The following MGAT5 variants were observed in gnomAD, a reference collection of about 807,000 sequenced individuals.
The protein encoded by MGAT5 is alpha-1,6-mannosylglycoprotein 6-beta-N-acetylglucosaminyltransferase A.
MGAT5 carries 30 observed loss-of-function variants against 94.3 expected under a neutral mutation model. The observed-to-expected ratio is 0.32, with a 90% CI of 0.24 to 0.43. The LOEUF (loss-of-function observed/expected upper bound fraction) is 0.43, where lower values mean the gene tolerates loss of function less well. Ranked by LOEUF, MGAT5 falls within the 20% of genes least tolerant of loss-of-function variation. The pLI is 1.00. For synonymous variants in MGAT5, 310 were observed against 322.9 expected, an observed-to-expected ratio of 0.96 and a Z score of 0.43; for missense variants, 691 against 905.5, an observed-to-expected ratio of 0.76 and a Z score of 3.04.
At chr2:134,439,516 G>A (rs190887136) in intron 14 of MGAT5, among the ~76,000 whole-genome samples, 125 of 152,232 alleles carry the variant, frequency 8.2e-4, no homozygotes, top group African/African-American at 2.9e-3. Context: ...GGCCAACATG[G>A]CAAAACCTCG....
intron 2 of MGAT5, among the ~76,000 whole-genome samples, chr2:134,301,601 G>A (rs1180145357): frequency 1.3e-5 from 2 of 152,266 alleles, no homozygotes; most frequent in Non-Finnish European, 2.9e-5. Context: ...CAAGAGAGGC[G>A]TGTGTCTATT....
chr2:134,188,457 T>A (rs1250899985), intron 1 of MGAT5, among the ~76,000 whole-genome samples: 1 of 152,276 alleles, frequency 6.6e-6, no homozygotes, highest in Non-Finnish European at 1.5e-5. Flanking sequence ...GTACCTATCC[T>A]ATGAGGTTGC....
intron 10 of MGAT5, among the ~76,000 whole-genome samples, chr2:134,396,985 AG>A (rs1682751129): frequency 6.6e-6 from 1 of 152,226 alleles, no homozygotes; most frequent in Non-Finnish European, 1.5e-5. Flanking sequence ...TTTGGGCATT[AG>A]CAGTGGCAGA....
chr2:134,190,097 T>A (rs1689292808), intron 1 of MGAT5, among the ~76,000 whole-genome samples: 2 of 152,238 alleles, frequency 1.3e-5, no homozygotes, highest in South Asian at 4.1e-4. Flanking sequence ...GGTATCTTTC[T>A]GGCTTTCAGA....
At chr2:134,287,770 TAG>T (rs1447320340) in intron 2 of MGAT5, among the ~76,000 whole-genome samples, 2 of 152,212 alleles carry the variant, frequency 1.3e-5, no homozygotes, top group African/African-American at 4.8e-5. Flanking sequence ...TCAATCTCTC[TAG>T]AGAGTAAGCC....
intron 4 of MGAT5, among the ~76,000 whole-genome samples, chr2:134,331,065 C>T (rs971131324): frequency 6.6e-6 from 1 of 152,014 alleles, no homozygotes; most frequent in African/African-American, 2.4e-5. Flanking sequence ...ACTTTTTTCC[C>T]CTTAATATAA....
At chr2:134,357,617 T>G (rs1332089627) in intron 9 of MGAT5, among the ~76,000 whole-genome samples, 1 of 152,216 alleles carries the variant, frequency 6.6e-6, no homozygotes, top group Non-Finnish European at 1.5e-5. Context: ...GGAGGGCTCT[T>G]GCCTTTAAGT....
At position 134,449,138 on chromosome 2, in the gene MGAT5, G is replaced by C; in HGVS notation, c.*291G>C. On this transcript the variant is annotated 3_prime_UTR_variant, in exon 16 of 16. Transcript: ENST00000281923. ...GAAGACTGTCACTGCAGCTGCTCCA[G>C]GGCAAAAGAAAGTCTCAAGAGTCCT... 2.3e-6 allele frequency: 1 copy of C among 429,990 alleles called. No individual in the cohort carries two copies. Among genetic ancestry groups the C allele is most frequent in the East Asian group, 4.5e-5 (1 of 22,436 alleles). 26.6% of individuals were successfully genotyped at this position (429,990 alleles called of 1,614,324 possible).
At chr2:134,414,301 G>GC (rs1266254841) in intron 12 of MGAT5, among the ~76,000 whole-genome samples, 7 of 152,116 alleles carry the variant, frequency 4.6e-5, no homozygotes, top group African/African-American at 1.4e-4. Flanking sequence ...TGTAGGAAGT[G>GC]CTAGGACACA....
chr2:134,442,065 C>A (rs1184515031), intron 15 of MGAT5, 150 bp downstream of exon 15: 1 of 841,238 alleles, frequency 1.2e-6, no homozygotes, highest in African/African-American at 1.7e-5. Context: ...GCAGGATCCC[C>A]CTAGAGAGTT....
intron 10 of MGAT5, among the ~76,000 whole-genome samples, chr2:134,368,375 C>CA (rs1315977120): frequency 6.6e-6 from 1 of 152,218 alleles, no homozygotes; most frequent in Non-Finnish European, 1.5e-5. Context: ...TTTCCAGCTC[C>CA]AGACCCTAGG....
chr2:134,258,624 G>C (rs552633671), intron 1 of MGAT5, among the ~76,000 whole-genome samples: 3 of 152,338 alleles, frequency 2.0e-5, no homozygotes, highest in South Asian at 4.1e-4. Flanking sequence ...GATTTTGTGT[G>C]TGTGTGTGTG....
At chr2:134,188,566 T>C (rs544392045) in intron 1 of MGAT5, among the ~76,000 whole-genome samples, 1 of 152,374 alleles carries the variant, frequency 6.6e-6, no homozygotes, top group African/African-American at 2.4e-5. Context: ...AAGAAGATTG[T>C]TGGTCATTAA....
intron 1 of MGAT5, among the ~76,000 whole-genome samples, chr2:134,212,877 C>G (rs1282560944): frequency 6.6e-6 from 1 of 152,168 alleles, no homozygotes; most frequent in Non-Finnish European, 1.5e-5. Flanking sequence ...ATCAGTAAGA[C>G]CTTGAGACTT....
intron 1 of MGAT5, among the ~76,000 whole-genome samples, chr2:134,196,156 A>G (rs1679486417): frequency 6.6e-6 from 1 of 152,246 alleles, no homozygotes; most frequent in Non-Finnish European, 1.5e-5. Context: ...TTTCTTAACC[A>G]TTAGTTAGAC....
chr2:134,310,458 C>G (rs1052055921), intron 2 of MGAT5, among the ~76,000 whole-genome samples: 1 of 152,146 alleles, frequency 6.6e-6, no homozygotes, highest in Non-Finnish European at 1.5e-5. Context: ...AAGTCCCTTG[C>G]AGCTCTAAAA....
At chr2:134,354,623 A>G (rs1485316538) in intron 9 of MGAT5, among the ~76,000 whole-genome samples, 1 of 152,136 alleles carries the variant, frequency 6.6e-6, no homozygotes, top group Non-Finnish European at 1.5e-5. Context: ...TTTTGCCCCC[A>G]GTCTCAGAGG....
At chr2:134,167,517 A>G (rs759186837) in intron 1 of MGAT5, among the ~76,000 whole-genome samples, 1 of 152,180 alleles carries the variant, frequency 6.6e-6, no homozygotes, top group Non-Finnish European at 1.5e-5. Flanking sequence ...TTTTGCATTC[A>G]TACCTTCCCA....
intron 10 of MGAT5, among the ~76,000 whole-genome samples, chr2:134,381,606 A>G (rs1334589861): frequency 1.3e-5 from 2 of 148,584 alleles, no homozygotes; most frequent in Non-Finnish European, 2.9e-5. Flanking sequence ...AAATAGATAG[A>G]CAGACAGACA....
Sources: gnomAD v4.1 joint callset for allele counts (sites outside exome capture counted in the v4.1 genomes callset) on GRCh38, gnomAD v4.1.1 for gene constraint, MANE v1.5 for transcripts, NCBI Gene and HGNC (gene_info 2026-07-23, HGNC 2026-07-21) for gene names.